NXN: variants seen among roughly 807,000 people sequenced by gnomAD.
NXN encodes the protein nucleoredoxin, also known as nucleoredoxin 1.
Under a neutral mutation model 48.6 loss-of-function variants are expected in NXN, and 16 were observed. The observed-to-expected ratio is 0.33, with a 90% confidence interval of 0.22 to 0.50. The LOEUF (loss-of-function observed/expected upper bound fraction) is 0.50, where lower values mean the gene tolerates loss of function less well. Ranked by LOEUF, NXN falls within the 20% of genes least tolerant of loss-of-function variation. The pLI is 0.98. For synonymous variants in NXN, 281 were observed against 269.6 expected (o/e 1.04, Z -0.41); for missense variants, 492 against 605.5 (o/e 0.81, Z 1.97).
intron 1 of NXN, chr17:933,421 G>A (rs2068874904): frequency 6.6e-6 from 1 of 152,162 alleles, no homozygotes; most frequent in African/African-American, 2.4e-5. Flanking sequence ...TTTCAGGATG[G>A]GGGTGGGGGA....
chr17:906,169 G>T (rs559934109), intron 1 of NXN, among the ~76,000 whole-genome samples: 1 of 152,024 alleles, frequency 6.6e-6, no homozygotes, highest in Non-Finnish European at 1.5e-5. Flanking sequence ...AGTGCATCTC[G>T]ATGTAGACTT....
rs1261119160 is a variant in NXN, at chr17:919,873, T to G, written c.360+59446A>C. On this transcript the variant is annotated intron_variant, in intron 1 of 7. Transcript: ENST00000336868. The surrounding 1 kb of genome is among the most constrained non-coding windows in gnomAD (Gnocchi z 5.1). The stretch of plus-strand genomic sequence containing the variant: ...TAGCTACATAGCTACACCTCCCTCT[T>G]GTCACCTTGCAGACTGGTATTCACT... 2.0e-5 allele frequency among the ~76,000 whole-genome samples: 3 copies of G among 152,110 alleles called. No homozygotes were observed. Among genetic ancestry groups the G allele is most frequent in the Non-Finnish European group, 1.5e-5 (1 of 68,036 alleles).
chr17:916,375 T>C lies in NXN; in HGVS notation c.360+62944A>G, dbSNP rs751576914. Reference sequence around the variant, plus strand: ...AAGACAATTTTCCCTGCAAGGGGCCTTTTGGAAATGAGTCAAAGTCAAATC... The same window carrying C: ...AAGACAATTTTCCCTGCAAGGGGCCCTTTGGAAATGAGTCAAAGTCAAATC... On this transcript the variant is annotated intron_variant, in intron 1 of 7. Transcript: ENST00000336868. Among the ~76,000 whole-genome samples, 77 of 152,360 alleles carry C rather than the reference T, an allele frequency of 5.1e-4. 1 individual carries two copies. Among genetic ancestry groups the C allele is most frequent in the Non-Finnish European group, 7.3e-4 (50 of 68,044 alleles).
intron 1 of NXN, among the ~76,000 whole-genome samples, chr17:876,842 T>A (rs561212682): frequency 1.1e-4 from 17 of 151,676 alleles, no homozygotes; most frequent in Middle Eastern, 3.4e-3. Flanking sequence ...AGGTCGGGAG[T>A]TCGAGACCAG....
At chr17:835,630 G>A (rs141672461) in intron 1 of NXN, among the ~76,000 whole-genome samples, 41 of 152,144 alleles carry the variant, frequency 2.7e-4, no homozygotes, top group Non-Finnish European at 4.1e-4. Context: ...CAAAAGGGAC[G>A]GGACTGGGAA....
rs202240393 is a variant in NXN, at chr17:970,535, G to GC, written c.360+8783_360+8784insG. ...CCTGCCTTCCAAGCAACCAGCGAAT[G>GC]TTTCAAGCCGTTCAACTACCTCTGT... is the stretch of plus-strand genomic sequence containing the variant. On this transcript the variant is annotated intron_variant, in intron 1 of 7. Coordinates refer to ENST00000336868, the MANE Select transcript of NXN (RefSeq NM_022463.5). 4.2e-3 allele frequency among the ~76,000 whole-genome samples: 633 copies of GC among 152,172 alleles called. 11 individuals carry two copies. Among genetic ancestry groups the GC allele is most frequent in the East Asian group, 0.041 (212 of 5,180 alleles).
In NXN at chr17:830,218, C is replaced by T. The variant is rs150528513; in HGVS notation, c.361-4140G>A. On this transcript the variant is annotated intron_variant, in intron 1 of 7. Coordinates refer to ENST00000336868, the MANE Select transcript of NXN (RefSeq NM_022463.5). The surrounding 1 kb of genome is among the most constrained non-coding windows in gnomAD (Gnocchi z 4.2). ...AGTGATTCAGCAGATATTAAGTGAG[C>T]GCCCACTGTGTGCCAGGCTCGTTCT... Among the ~76,000 whole-genome samples the T allele has an allele frequency of 4.7e-4, 72 of 152,270 alleles. No individual in the cohort carries two copies. Among genetic ancestry groups the T allele is most frequent in the African/African-American group, 1.5e-3 (62 of 41,544 alleles).
At chr17:884,431 A>C (rs1032170141) in intron 1 of NXN, among the ~76,000 whole-genome samples, 4 of 150,942 alleles carry the variant, frequency 2.7e-5, no homozygotes, top group African/African-American at 9.8e-5. Flanking sequence ...TGTAAAAAAA[A>C]CAGAGAGATT....
At chr17:970,422 TA>T (rs138163656) in intron 1 of NXN, among the ~76,000 whole-genome samples, 1 of 150,266 alleles carries the variant, frequency 6.7e-6, no homozygotes, top group Non-Finnish European at 1.5e-5. Context: ...CTGGAGGAAC[TA>T]AAAAAAAGCC....
chr17:914,750 C>A (rs1024108687), intron 1 of NXN, among the ~76,000 whole-genome samples: 2 of 152,030 alleles, frequency 1.3e-5, no homozygotes, highest in Admixed American at 6.6e-5. Context: ...GGGAGCGTAC[C>A]GTGATGTGGG....
rs112521802 is a variant in NXN, at chr17:884,969, T to C, written c.361-58891A>G. Among the ~76,000 whole-genome samples, 295 of 152,186 alleles carry C rather than the reference T, an allele frequency of 1.9e-3. 1 individual carries two copies. Among genetic ancestry groups the C allele is most frequent in the African/African-American group, 6.5e-3 (271 of 41,540 alleles). ...CACAGGAGAATGACCAAGGTGTAAATGAAAGAAGAATCTGGCCTGGGGCAT... is the reference window on the plus strand; with the variant it reads ...CACAGGAGAATGACCAAGGTGTAAACGAAAGAAGAATCTGGCCTGGGGCAT... On this transcript the variant is annotated intron_variant, in intron 1 of 7. Coordinates refer to ENST00000336868, the MANE Select transcript of NXN (RefSeq NM_022463.5).
intron 5 of NXN, among the ~76,000 whole-genome samples, chr17:809,782 G>T (rs1291020586): frequency 1.0e-5 from 1 of 96,728 alleles, no homozygotes; most frequent in Non-Finnish European, 2.4e-5. Context: ...AAAAACTGCC[G>T]AGCGCACAGT....
At chr17:838,828 G>A (rs530799201) in intron 1 of NXN, among the ~76,000 whole-genome samples, 4 of 152,260 alleles carry the variant, frequency 2.6e-5, no homozygotes, top group South Asian at 2.1e-4. Flanking sequence ...CCTTCCAAAC[G>A]GGGGCCGCTC....
At chr17:912,847 G>C (rs1379137073) in intron 1 of NXN, among the ~76,000 whole-genome samples, 1 of 152,018 alleles carries the variant, frequency 6.6e-6, no homozygotes, top group African/African-American at 2.4e-5. Context: ...CCAGCTACTC[G>C]GGAGGCTGAG....
chr17:957,459 C>T (rs528433489), intron 1 of NXN, among the ~76,000 whole-genome samples: 8 of 152,066 alleles, frequency 5.3e-5, no homozygotes, highest in Non-Finnish European at 1.0e-4. Flanking sequence ...TGGCGAAACA[C>T]CGTCTCTACT....
At chr17:976,389 T>C (rs149706861) in intron 1 of NXN, among the ~76,000 whole-genome samples, 49 of 152,278 alleles carry the variant, frequency 3.2e-4, no homozygotes, top group Admixed American at 4.6e-4. Context: ...TGCCAGCCAA[T>C]AACTAATTAG....
chr17:806,323 C>A (rs544297918), intron 5 of NXN, among the ~76,000 whole-genome samples: 2 of 148,912 alleles, frequency 1.3e-5, no homozygotes, highest in Non-Finnish European at 3.0e-5. Flanking sequence ...CCAGCTCCCC[C>A]CTTCCCCAGG....
intron 1 of NXN, among the ~76,000 whole-genome samples, chr17:883,829 C>T (rs916899933): frequency 5.9e-5 from 9 of 152,118 alleles, no homozygotes; most frequent in African/African-American, 2.2e-4. Context: ...TCCCAATCAG[C>T]GTGGGAGGCC....
chr17:837,134 T>C (rs1268970945), intron 1 of NXN, among the ~76,000 whole-genome samples: 2 of 152,136 alleles, frequency 1.3e-5, no homozygotes, highest in East Asian at 1.9e-4. Flanking sequence ...CACACCACCA[T>C]GCCTCACTAA....
Sources: gnomAD v4.1 joint callset for allele counts (sites outside exome capture counted in the v4.1 genomes callset) on GRCh38, gnomAD v4.1.1 for gene constraint, Gnocchi (gnomAD v3.1) non-coding constraint, MANE v1.5 for transcripts, NCBI Gene and HGNC (gene_info 2026-07-23, HGNC 2026-07-21) for gene names.